PCDHGA1: variants seen among roughly 807,000 people sequenced by gnomAD.
PCDHGA1 encodes protocadherin gamma-A1.
PCDHGA1 carries 32 observed loss-of-function variants against 58.0 expected under a neutral mutation model. That is an observed-to-expected ratio of 0.55 (90% CI 0.42 to 0.74). The LOEUF (loss-of-function observed/expected upper bound fraction) is 0.74, where lower values mean the gene tolerates loss of function less well. Ranked by LOEUF, PCDHGA1 falls within the 30% of genes least tolerant of loss-of-function variation. The pLI, the probability that PCDHGA1 is intolerant of heterozygous loss-of-function variation, is 0.00. For missense variants in PCDHGA1, 1,205 were observed against 1,182.3 expected (o/e 1.02, Z -0.28); for synonymous variants, 498 against 501.1 (o/e 0.99, Z 0.08).
In PCDHGA1 at chr5:141,491,856, C is replaced by A. The variant is rs754113958; in HGVS notation, c.2422-2951C>A. On this transcript the variant is annotated intron_variant, in intron 1 of 3. Coordinates refer to ENST00000517417, the MANE Select transcript of PCDHGA1 (RefSeq NM_018912.3). This position sits in a 1 kb window ranked among gnomAD's most constrained non-coding sequence, Gnocchi z 6.9. ...TCTCGGGATCATTGGACCGTTTGCG[C>A]GAAACCAGAGTGGCCGATTAAGGGA... 6.9e-7 allele frequency: 1 copy of A among 1,458,728 alleles called. No individual in the cohort carries two copies. The highest frequency in any genetic ancestry group is 9.1e-7 in the Non-Finnish European group (1 of 1,103,072). The allele number at this position is 1,458,728 out of a possible 1,614,324, so 90.4% of individuals were successfully genotyped here. A position where few individuals can be genotyped will look rare whatever the true frequency, so the allele number is the denominator to read the frequency against.
chr5:141,366,734 G>A (rs1193465026), intron 1 of PCDHGA1: 1 of 1,612,554 alleles, frequency 6.2e-7, no homozygotes, highest in Admixed American at 1.7e-5. Context: ...TGCAAACAAA[G>A]AAGAACGGCG....
In PCDHGA1 at chr5:141,372,495, G is replaced by A. The variant is rs770848334; in HGVS notation, c.2421+39390G>A. On this transcript the variant is annotated intron_variant, in intron 1 of 3. Transcript: ENST00000517417. The stretch of plus-strand genomic sequence containing the variant: ...AGTAGTGGCGTTGGCCTTGATCTCA[G>A]TGCTCTTCCTCCTCGCGGTGATTCT... 2.0e-5 allele frequency: 32 copies of A among 1,613,936 alleles called. No individual in the cohort carries two copies. Among genetic ancestry groups the A allele is most frequent in the Non-Finnish European group, 2.6e-5 (31 of 1,179,902 alleles).
chr5:141,418,081 C>T lies in PCDHGA1; in HGVS notation c.2422-76726C>T, dbSNP rs190197904. On this transcript the variant is annotated intron_variant, in intron 1 of 3. Transcript: ENST00000517417. Reference sequence around the variant, plus strand: ...TGCGAGTGAGCGCGGAGAAGCTGCACTTCAGCGTAGACGCGCAGAGCGGGG... The same window carrying T: ...TGCGAGTGAGCGCGGAGAAGCTGCATTTCAGCGTAGACGCGCAGAGCGGGG... 331 of 1,614,072 alleles carry T rather than the reference C, an allele frequency of 2.1e-4. 3 individuals are homozygous for T. The African/African-American group carries it at 4.0e-3, about 19-fold the overall frequency.
At chr5:141,474,871 A>G (rs894657981) in intron 1 of PCDHGA1, among the ~76,000 whole-genome samples, 5 of 152,236 alleles carry the variant, frequency 3.3e-5, no homozygotes, top group African/African-American at 1.2e-4. Context: ...ATAGGATAGG[A>G]GCAGGAACTC....
chr5:141,504,242 GTTC>G (rs903218038), intron 2 of PCDHGA1, among the ~76,000 whole-genome samples: 25 of 152,170 alleles, frequency 1.6e-4, no homozygotes, highest in African/African-American at 5.1e-4. Context: ...GAAGCAGAGA[GTTC>G]TTCTTATGGT....
At chr5:141,395,547 TGTGTGTG>T (rs1561655273) in intron 1 of PCDHGA1, 9,050 of 174,290 alleles carry the variant, frequency 0.052, 489 homozygotes, top group Middle Eastern at 0.08. Context: ...ATTGTTTGTG[TGTGTGTG>T]TGTGTGTGTG....
chr5:141,363,134 T>G (rs969653760), intron 1 of PCDHGA1, among the ~76,000 whole-genome samples: 4 of 152,230 alleles, frequency 2.6e-5, no homozygotes, highest in Admixed American at 1.3e-4. Flanking sequence ...CTAGAAAGAG[T>G]GCATTTAACA....
At chr5:141,408,177 G>C (rs1359754385) in intron 1 of PCDHGA1, 3 of 1,534,464 alleles carry the variant, frequency 2.0e-6, no homozygotes, top group Non-Finnish European at 2.6e-6. Context: ...GGAAAAGCGG[G>C]GACCCAGCGA....
At chr5:141,457,550 A>G (rs1331411755) in intron 1 of PCDHGA1, among the ~76,000 whole-genome samples, 1 of 152,230 alleles carries the variant, frequency 6.6e-6, no homozygotes, top group Non-Finnish European at 1.5e-5. Flanking sequence ...CAAATGTATG[A>G]TAAGCTTTGG....
At chr5:141,333,726 G>C (rs1255005866) in intron 1 of PCDHGA1, 2 of 154,248 alleles carry the variant, frequency 1.3e-5, no homozygotes, top group South Asian at 2.0e-4. Flanking sequence ...TTTGAGATGG[G>C]GTCATGCTAG....
At chr5:141,441,849 G>A (rs1192040398) in intron 1 of PCDHGA1, 2 of 345,448 alleles carry the variant, frequency 5.8e-6, no homozygotes, top group Non-Finnish European at 1.1e-5. Context: ...TCTTGGATAT[G>A]GTGCTGCACG....
chr5:141,433,017 A>T, intron 1 of PCDHGA1: 1 of 1,614,124 alleles, frequency 6.2e-7, no homozygotes, highest in Non-Finnish European at 8.5e-7. Flanking sequence ...CTGCAGACCT[A>T]TTCCCACGAG....
At chr5:141,418,441 A>T in intron 1 of PCDHGA1, 2 of 1,614,000 alleles carry the variant, frequency 1.2e-6, no homozygotes, top group East Asian at 4.5e-5. Flanking sequence ...ATCCAGAATT[A>T]GTATTGCAGA....
intron 1 of PCDHGA1, among the ~76,000 whole-genome samples, chr5:141,492,408 C>T (rs1187024017): frequency 2.0e-5 from 3 of 152,244 alleles, no homozygotes; most frequent in African/African-American, 2.4e-5. Flanking sequence ...CTCCCCTCTG[C>T]CGCTCCCTCC....
At chr5:141,444,621 G>A (rs1265458898) in intron 1 of PCDHGA1, among the ~76,000 whole-genome samples, 1 of 152,132 alleles carries the variant, frequency 6.6e-6, no homozygotes, top group Non-Finnish European at 1.5e-5. Flanking sequence ...CATGTGGCAT[G>A]ATGCACCAGT....
At chr5:141,360,226 G>C in intron 1 of PCDHGA1, 1 of 1,613,764 alleles carries the variant, frequency 6.2e-7, no homozygotes, top group Non-Finnish European at 8.5e-7. Context: ...GGCTCTCCCA[G>C]TCCAGATCCG....
chr5:141,385,200 C>T (rs776177043), intron 1 of PCDHGA1: 3 of 1,614,214 alleles, frequency 1.9e-6, no homozygotes, highest in Non-Finnish European at 1.7e-6. Context: ...GGAAGAGTCA[C>T]CTGATCTTCC....
At chr5:141,386,804 A>G (rs976518864) in intron 1 of PCDHGA1, among the ~76,000 whole-genome samples, 3 of 152,238 alleles carry the variant, frequency 2.0e-5, no homozygotes, top group Non-Finnish European at 2.9e-5. Context: ...AATTTATTAG[A>G]TGCATAAAAT....
chr5:141,478,415 C>G (rs182700706), intron 1 of PCDHGA1: 5 of 1,613,648 alleles, frequency 3.1e-6, no homozygotes, highest in Non-Finnish European at 4.2e-6. Context: ...CACGGACTCC[C>G]GCCGCAGCGA....
Sources: gnomAD v4.1 joint callset for allele counts (sites outside exome capture counted in the v4.1 genomes callset) on GRCh38, gnomAD v4.1.1 for gene constraint, Gnocchi (gnomAD v3.1) non-coding constraint, MANE v1.5 for transcripts, NCBI Gene and HGNC (gene_info 2026-07-23, HGNC 2026-07-21) for gene names.